PLK4: variants seen among roughly 807,000 people sequenced by gnomAD.
The protein encoded by PLK4 is serine/threonine-protein kinase PLK4.
PLK4 carries 51 observed loss-of-function variants against 103.0 expected under a neutral mutation model. That is an observed-to-expected ratio of 0.50 (90% CI 0.40 to 0.63). The LOEUF is 0.63. PLK4 is among the 20% of genes least tolerant of loss of function. The pLI is 0.00. For missense variants in PLK4, 1,054 were observed against 1,151.0 expected (o/e 0.92, Z 1.22); for synonymous variants, 389 against 376.8 (o/e 1.03, Z -0.38).
chr4:127,895,665 C>G lies in PLK4; in HGVS notation c.2703+572C>G, dbSNP rs539569870. Among the ~76,000 whole-genome samples, 4 of 151,934 alleles carry G rather than the reference C, an allele frequency of 2.6e-5. No individual in the cohort carries two copies. The East Asian group carries it at 7.7e-4, about 29-fold the overall frequency. On this transcript the variant is annotated intron_variant, in intron 14 of 15. Transcript: ENST00000270861. ...CTCAATCCCCTGACCTTGTGATCTG[C>G]CTGCCTCAGCCTCCCAAAGTGCTGA...
intron 10 of PLK4, 105 bp downstream of exon 10, chr4:127,892,619 A>G: frequency 1.2e-6 from 1 of 833,856 alleles, no homozygotes; most frequent in East Asian, 2.5e-5. Context: ...AAAGATGTGT[A>G]TGTATATAAC....
Position 127,881,112 on chromosome 4 carries a change from A to C in PLK4, c.-23A>C, listed in dbSNP as rs368851805. ...CTGCGTGAAGGAAGCTAATCCGGAG[A>C]ACCCAGGCCAGAGCCTGGAAATATG... On this transcript the variant is annotated 5_prime_UTR_variant, in exon 1 of 16. Coordinates refer to ENST00000270861, the MANE Select transcript of PLK4 (RefSeq NM_014264.5). 6.2e-7 allele frequency: 1 copy of C among 1,613,540 alleles called. No homozygotes were observed. The highest frequency in any genetic ancestry group is 2.2e-5 in the East Asian group (1 of 44,886).
At chr4:127,882,812 C>T (rs1316036615) in intron 2 of PLK4, among the ~76,000 whole-genome samples, 1 of 151,780 alleles carries the variant, frequency 6.6e-6, no homozygotes, top group East Asian at 1.9e-4. Context: ...CCCAGCTACT[C>T]AGGAGGCTGA....
chr4:127,892,234 A>T, intron 9 of PLK4, 131 bp from the exon 10 acceptor site: 1 of 589,942 alleles, frequency 1.7e-6, no homozygotes, highest in Non-Finnish European at 2.9e-6. Context: ...GTAAGCCTTC[A>T]TTGAGGTAAC....
Position 127,885,728 on chromosome 4 carries a change from A to G in PLK4, c.358A>G (p.Ile120Val). ...AACAGCTCGACACTTCATGCACCAG[A>G]TCATCACAGGGATGTTGTATCTTCA... ...ENEARHFMHQ[I>V]ITGMLYLHSH... The change falls in exon 5 of 16, where the codon ATC becomes GTC. Residue 120 changes from isoleucine to valine, a missense_variant. Ile to Val is a conservative substitution (Grantham distance 29). Transcript: ENST00000270861. 1 of 1,611,310 alleles carries G rather than the reference A, an allele frequency of 6.2e-7. No individual in the cohort carries two copies. The highest frequency in any genetic ancestry group is 8.5e-7 in the Non-Finnish European group (1 of 1,178,604).
At chr4:127,889,284 A>G (rs1467861763) in intron 6 of PLK4, among the ~76,000 whole-genome samples, 2 of 152,198 alleles carry the variant, frequency 1.3e-5, no homozygotes, top group African/African-American at 4.8e-5. Context: ...GTGAACTTTA[A>G]AACCATACAA....
At chr4:127,891,427 A>G in intron 8 of PLK4, 152 bp from the exon 9 acceptor site, 1 of 448,216 alleles carries the variant, frequency 2.2e-6, no homozygotes, top group Non-Finnish European at 4.0e-6. Flanking sequence ...GTTTAAGTTA[A>G]AAAGCAAAAA....
At position 127,891,596 on chromosome 4, in the gene PLK4, A is replaced by G. The variant is rs781042445; in HGVS notation, c.1953A>G (p.Pro651=). The change falls in exon 9 of 16, where the codon CCA becomes CCG. Residue 651 remains proline (P), a synonymous_variant. Transcript: ENST00000270861. ...TTTGGCAGATCACTATTTATTATCC[A>G]AATGGTGGTAGAGGTTTTCCTCTTG... is the stretch of plus-strand genomic sequence containing the variant. ...SDGNTITIYY[P]NGGRGFPLAD... is the part of the protein sequence containing the mutation. 2 of 1,526,718 alleles carry G rather than the reference A, an allele frequency of 1.3e-6. No homozygotes were observed. The highest frequency in any genetic ancestry group is 3.7e-5 in the Admixed American group (2 of 53,764). 94.6% of individuals were successfully genotyped at this position (1,526,718 alleles called of 1,614,324 possible). A position where few individuals can be genotyped will look rare whatever the true frequency, so the allele number is the denominator to read the frequency against.
At chr4:127,887,871 C>CAAAAAA (rs34675793) in intron 6 of PLK4, among the ~76,000 whole-genome samples, 1 of 40,386 alleles carries the variant, frequency 2.5e-5, no homozygotes, top group Non-Finnish European at 4.8e-5. Flanking sequence ...GAGACCCTGT[C>CAAAAAA]AAAAAAAAAA....
At chr4:127,881,484 A>G in intron 1 of PLK4, 3 of 1,020,306 alleles carry the variant, frequency 2.9e-6, no homozygotes, top group Non-Finnish European at 2.7e-6. Context: ...CTCCAAGGGG[A>G]TGGCGGTTAT....
At chr4:127,895,572 C>T (rs1265096693) in intron 14 of PLK4, among the ~76,000 whole-genome samples, 4 of 149,880 alleles carry the variant, frequency 2.7e-5, no homozygotes, top group African/African-American at 4.9e-5. Flanking sequence ...CAGGCGCCCA[C>T]TGCCAAGCCG....
chr4:127,896,723 A>G lies in PLK4; in HGVS notation c.2704-78A>G, dbSNP rs1290498918. 103 of 745,668 alleles carry G rather than the reference A, an allele frequency of 1.4e-4. No homozygotes were observed. In the East Asian group the frequency reaches 2.5e-3, roughly 18 times the overall value. The allele number at this position is 745,668 out of a possible 1,614,324, so 46.2% of individuals were successfully genotyped here. A position where few individuals can be genotyped will look rare whatever the true frequency, so the allele number is the denominator to read the frequency against. ...TACAGAACCACAAACCCTCTACTGT[A>G]TAGTAATTTTGTGTGCTACTACTGC... On this transcript the variant is annotated intron_variant, in intron 14 of 15. Coordinates refer to ENST00000270861, the MANE Select transcript of PLK4 (RefSeq NM_014264.5).
chr4:127,889,565 T>C (rs577515489), intron 6 of PLK4, among the ~76,000 whole-genome samples: 69 of 152,324 alleles, frequency 4.5e-4, no homozygotes, highest in African/African-American at 1.7e-3. Flanking sequence ...TTAGGATTAA[T>C]AGGTGACCAT....
In PLK4 at chr4:127,896,910, A is replaced by G. The variant is rs1485679259; in HGVS notation, c.2810+3A>G. 1 of 1,496,996 alleles carries G rather than the reference A, an allele frequency of 6.7e-7. No homozygotes were observed. The highest frequency in any genetic ancestry group is 1.7e-5 in the Admixed American group (1 of 59,364). The allele number at this position is 1,496,996 out of a possible 1,614,324, so 92.7% of individuals were successfully genotyped here. ...TCACCAAATGGTCAAACAACTAGGT[A>G]AGTTCTTAAAATACTGGTCGAGATT... is the stretch of plus-strand genomic sequence containing the variant. On this transcript the variant is annotated splice_donor_region_variant and intron_variant, in intron 15 of 15. Coordinates refer to ENST00000270861, the MANE Select transcript of PLK4 (RefSeq NM_014264.5).
Position 127,881,368 on chromosome 4 carries a change from C to T in PLK4, c.30+204C>T. 4 of 1,434,500 alleles carry T rather than the reference C, an allele frequency of 2.8e-6. No homozygotes were observed. The South Asian group carries it at 4.5e-5, about 16-fold the overall frequency. The allele number at this position is 1,434,500 out of a possible 1,614,324, so 88.9% of individuals were successfully genotyped here. A position where few individuals can be genotyped will look rare whatever the true frequency, so the allele number is the denominator to read the frequency against. On this transcript the variant is annotated intron_variant, in intron 1 of 15. Coordinates refer to ENST00000270861, the MANE Select transcript of PLK4 (RefSeq NM_014264.5). The stretch of plus-strand genomic sequence containing the variant: ...AGAGACAAGAGTAGGGAAGGCGGGA[C>T]AGGTGAGTCCCTCCCCGCCCGGCAG...
intron 10 of PLK4, chr4:127,892,757 T>C (rs1191908723): frequency 1.2e-5 from 4 of 337,068 alleles, no homozygotes; most frequent in Non-Finnish European, 2.2e-5. Context: ...AGCTCCAGTT[T>C]AACTACGTCT....
intron 15 of PLK4, 56 bp downstream of exon 15, chr4:127,896,963 C>A: frequency 1.1e-6 from 1 of 881,808 alleles, no homozygotes. Context: ...TTCTCTTTCT[C>A]TATATGTTGA....
chr4:127,890,506 A>G (rs984162364), intron 7 of PLK4, among the ~76,000 whole-genome samples: 7 of 152,176 alleles, frequency 4.6e-5, no homozygotes, highest in Non-Finnish European at 7.4e-5. Context: ...TTAAAATAAT[A>G]CTGGCTATAT....
intron 1 of PLK4, 142 bp from the exon 2 acceptor site, chr4:127,881,689 C>T (rs1358115824): frequency 7.9e-6 from 5 of 636,544 alleles, no homozygotes; most frequent in African/African-American, 3.6e-5. Context: ...CCACCCTAGA[C>T]ACCTGCTGCA....
Sources: allele counts gnomAD v4.1 joint callset (sites outside exome capture counted in the v4.1 genomes callset), GRCh38; gene constraint gnomAD v4.1.1; transcripts MANE v1.5; gene names NCBI Gene and HGNC (gene_info 2026-07-23, HGNC 2026-07-21).